The following SLC7A13 variants were observed in gnomAD, a reference collection of about 807,000 sequenced individuals.
SLC7A13 encodes solute carrier family 7 member 13.
Under a neutral mutation model 32.0 loss-of-function variants are expected in SLC7A13, and 31 were observed. The ratio of observed to expected loss-of-function variants is 0.97; its 90% confidence interval spans 0.73 to 1.31. SLC7A13 has a LOEUF of 1.31. Among genes scored for constraint, SLC7A13 ranks in the 50% most tolerant of loss-of-function variants. The pLI is 0.00. For synonymous variants in SLC7A13, 232 were observed against 206.9 expected (o/e 1.12, Z -1.04); for missense variants, 633 against 546.9 (o/e 1.16, Z -1.57).
intron 3 of SLC7A13, among the ~76,000 whole-genome samples, chr8:86,217,093 C>T (rs10504822): frequency 0.13 from 19,730 of 152,200 alleles, 1,386 homozygotes; most frequent in Non-Finnish European, 0.15. Flanking sequence ...GATGTTATCA[C>T]TTGTGACCTC....
intron 2 of SLC7A13, 29 bp from the exon 3 acceptor site, chr8:86,217,860 A>G: frequency 6.6e-7 from 1 of 1,504,644 alleles, no homozygotes. Flanking sequence ...ACACAAAAGA[A>G]AATGTGTTAA....
rs1186438867 is a variant in SLC7A13 at position 86,217,785 on chromosome 8, T to C, written c.864A>G (p.Ala288=). 17 of 1,607,064 alleles carry C rather than the reference T, an allele frequency of 1.1e-5. No individual in the cohort carries two copies. Among genetic ancestry groups the C allele is most frequent in the Non-Finnish European group, 1.4e-5 (16 of 1,177,464 alleles). The change falls in exon 3 of 4, where the codon GCA becomes GCG. Residue 288 remains alanine, a synonymous_variant. Transcript: ENST00000297524. Reference sequence around the variant, plus strand: ...TAGAAATAGCAAAAGGCATAATCCATGCTAATGAGGGAAAAGCTCGATCAG... The same window carrying C: ...TAGAAATAGCAAAAGGCATAATCCACGCTAATGAGGGAAAAGCTCGATCAG... ...TWADRAFPSL[A]WIMPFAISTS...
rs576047792 is a variant in SLC7A13, at chr8:86,217,478, G to T, written c.1171C>A (p.Pro391Thr). 1.3e-6 allele frequency: 2 copies of T among 1,575,266 alleles called. No individual in the cohort carries two copies. Among genetic ancestry groups the T allele is most frequent in the South Asian group, 2.4e-5 (2 of 82,972 alleles). The change falls in exon 3 of 4, where the codon CCT becomes ACT. Residue 391 changes from proline (P) to threonine (T), a missense_variant. Pro to Thr is a conservative substitution (Grantham distance 38). Coordinates refer to ENST00000297524, the MANE Select transcript of SLC7A13 (RefSeq NM_138817.3). ...TAGAAATCCAATTTTACCTTATAAG[G>T]TATAGATAGATTGGGTTCCTGGTAT... ...RRYQEPNLSI[P>T]YKVFLSFPLA...
rs117237262 is a variant in SLC7A13, at chr8:86,222,409, A to T, written c.817+563T>A. Among the ~76,000 whole-genome samples the T allele has an allele frequency of 2.8e-3, 429 of 152,042 alleles. 2 individuals carry two copies. The highest frequency in any genetic ancestry group is 4.8e-3 in the South Asian group (23 of 4,806). On this transcript the variant is annotated intron_variant, in intron 2 of 3. Transcript: ENST00000297524. Reference sequence around the variant, plus strand: ...CTCATTCTTTTATTCTTTATTCTACAATTTGGTCTCTAAGATAGCTATTTT... The same window carrying T: ...CTCATTCTTTTATTCTTTATTCTACTATTTGGTCTCTAAGATAGCTATTTT...
intron 1 of SLC7A13, among the ~76,000 whole-genome samples, chr8:86,223,511 T>C (rs1820339044): frequency 1.3e-5 from 2 of 152,198 alleles, no homozygotes; most frequent in South Asian, 2.1e-4. Context: ...TTCTTTTTTA[T>C]GGCTCTGTAA....
chr8:86,224,548 T>C (rs1241871672), intron 1 of SLC7A13, among the ~76,000 whole-genome samples: 1 of 152,216 alleles, frequency 6.6e-6, no homozygotes, highest in Non-Finnish European at 1.5e-5. Flanking sequence ...ATATTTAGCA[T>C]CATATAGAGT....
At chr8:86,219,010 A>G (rs2129786601) in intron 2 of SLC7A13, among the ~76,000 whole-genome samples, 1 of 152,328 alleles carries the variant, frequency 6.6e-6, no homozygotes, top group South Asian at 2.1e-4. Flanking sequence ...TATCATTAAT[A>G]GCTCTTGTTC....
intron 1 of SLC7A13, among the ~76,000 whole-genome samples, chr8:86,228,082 T>C (rs1820419164): frequency 6.6e-6 from 1 of 152,136 alleles, no homozygotes; most frequent in African/African-American, 2.4e-5. Flanking sequence ...TCCCTGAATA[T>C]ATAAAAATAA....
Position 86,217,744 on chromosome 8 carries a change from T to C in SLC7A13, c.905A>G (p.Asn302Ser), listed in dbSNP as rs764962970. The C allele has an allele frequency of 1.9e-5, 31 of 1,613,014 alleles. No individual in the cohort carries two copies. Among genetic ancestry groups the C allele is most frequent in the Non-Finnish European group, 2.5e-5 (30 of 1,179,532 alleles). ...PFAISTSLFS[N>S]LLISIFKSSR... ...TGATTTAAATATAGAAATCAGAAGGTTGCTAAATAATGAGGTAGAAATAGC... is the reference window on the plus strand; with the variant it reads ...TGATTTAAATATAGAAATCAGAAGGCTGCTAAATAATGAGGTAGAAATAGC... The change falls in exon 3 of 4, where the codon AAC (asparagine) becomes AGC (serine). Residue 302 changes from asparagine to serine, a missense_variant. Asn to Ser is a conservative substitution (Grantham distance 46, BLOSUM62 1). Transcript: ENST00000297524.
chr8:86,217,867 T>C, intron 2 of SLC7A13, 36 bp from the exon 3 acceptor site: 1 of 1,500,974 alleles, frequency 6.7e-7, no homozygotes. Context: ...AGAAAATGTG[T>C]TAAAAGAGAA....
intron 1 of SLC7A13, among the ~76,000 whole-genome samples, chr8:86,228,653 C>G (rs1369290240): frequency 6.6e-6 from 1 of 152,078 alleles, no homozygotes; most frequent in African/African-American, 2.4e-5. Context: ...CGAGACCAAC[C>G]TGGCCAACAT....
chr8:86,225,234 C>G, intron 1 of SLC7A13, among the ~76,000 whole-genome samples: 1 of 152,136 alleles, frequency 6.6e-6, no homozygotes, highest in East Asian at 1.9e-4. Context: ...GGGGTTGGAT[C>G]TAATGCCCAT....
In SLC7A13 at chr8:86,217,613, A is replaced by C. The variant is rs1227127890; in HGVS notation, c.1036T>G (p.Leu346Val). Reference sequence around the variant, plus strand: ...GTTAAGATAATTGCAAGGGATCCCAAAGTGACAAGTAGTAGCACAGCTGTA... The same window carrying C: ...GTTAAGATAATTGCAAGGGATCCCACAGTGACAAGTAGTAGCACAGCTGTA... ...PFTAVLLLVTLGSLAIILTSL... is the reference protein window; with the variant it reads ...PFTAVLLLVTVGSLAIILTSL... The change falls in exon 3 of 4, where the codon TTG (leucine) becomes GTG (valine). Residue 346 changes from leucine to valine, a missense_variant. Coordinates refer to ENST00000297524, the MANE Select transcript of SLC7A13 (RefSeq NM_138817.3). 1 of 1,613,492 alleles carries C rather than the reference A, an allele frequency of 6.2e-7. No individual in the cohort carries two copies. Among genetic ancestry groups the C allele is most frequent in the South Asian group, 1.1e-5 (1 of 91,026 alleles).
Position 86,214,324 on chromosome 8 carries a change from G to C in SLC7A13, c.*89C>G. ...ATATTTACCATAGGAATTTCACCATGAATGTTCTATCATATGTTTAACCTT... is the reference window on the plus strand; with the variant it reads ...ATATTTACCATAGGAATTTCACCATCAATGTTCTATCATATGTTTAACCTT... On this transcript the variant is annotated 3_prime_UTR_variant, in exon 4 of 4. Coordinates refer to ENST00000297524, the MANE Select transcript of SLC7A13 (RefSeq NM_138817.3). 1.4e-6 allele frequency: 1 copy of C among 731,168 alleles called. No homozygotes were observed. Among genetic ancestry groups the C allele is most frequent in the Admixed American group, 2.9e-5 (1 of 35,082 alleles). The allele number at this position is 731,168 out of a possible 1,614,324, so 45.3% of individuals were successfully genotyped here. A position where few individuals can be genotyped will look rare whatever the true frequency, so the allele number is the denominator to read the frequency against.
intron 2 of SLC7A13, among the ~76,000 whole-genome samples, chr8:86,220,212 T>C (rs1820270236): frequency 6.6e-6 from 1 of 152,116 alleles, no homozygotes; most frequent in Non-Finnish European, 1.5e-5. Context: ...CAATTTTCTC[T>C]AGTTTTAAAT....
chr8:86,220,994 A>T (rs1056526435), intron 2 of SLC7A13, among the ~76,000 whole-genome samples: 5 of 138,640 alleles, frequency 3.6e-5, no homozygotes, highest in Non-Finnish European at 6.0e-5. Flanking sequence ...CTCTGTTTCA[A>T]AAAAAAAAAA....
chr8:86,226,601 T>C (rs1297645350), intron 1 of SLC7A13, among the ~76,000 whole-genome samples: 1 of 152,228 alleles, frequency 6.6e-6, no homozygotes, highest in Non-Finnish European at 1.5e-5. Context: ...AAGTTGGCAT[T>C]GTCCAGTCAT....
intron 3 of SLC7A13, among the ~76,000 whole-genome samples, chr8:86,215,023 T>C (rs544032716): frequency 1.3e-5 from 2 of 152,100 alleles, no homozygotes; most frequent in East Asian, 3.9e-4. Context: ...AGTAAGAAAT[T>C]CATGACAAAA....
intron 3 of SLC7A13, among the ~76,000 whole-genome samples, chr8:86,216,091 A>G (rs1372438542): frequency 2.0e-5 from 3 of 152,184 alleles, no homozygotes; most frequent in African/African-American, 4.8e-5. Context: ...CTTGAGCCCA[A>G]AACTCTTAAT....
Sources: gnomAD v4.1 joint callset for allele counts (sites outside exome capture counted in the v4.1 genomes callset) on GRCh38, gnomAD v4.1.1 for gene constraint, MANE v1.5 for transcripts, NCBI Gene and HGNC (gene_info 2026-07-23, HGNC 2026-07-21) for gene names.